Variants in PTPN11 observed in about 807,000 individuals in gnomAD.
PTPN11 encodes tyrosine-protein phosphatase non-receptor type 11.
A neutral mutation model predicts 78.8 loss-of-function variants in PTPN11; 6 were observed. The ratio of observed to expected loss-of-function variants is 0.08; its 90% CI spans 0.04 to 0.15. The LOEUF (loss-of-function observed/expected upper bound fraction) is 0.15. Ranked by LOEUF, PTPN11 falls within the 10% of genes least tolerant of loss-of-function variation. The pLI, the probability that PTPN11 is intolerant of heterozygous loss-of-function variation, is 1.00. For missense variants in PTPN11, 386 were observed against 744.8 expected, an observed-to-expected ratio of 0.52 and a Z score of 5.61; for synonymous variants, 221 against 263.5, an observed-to-expected ratio of 0.84 and a Z score of 1.56.
At chr12:112,446,878 T>G (rs2038001473) in intron 2 of PTPN11, among the ~76,000 whole-genome samples, 1 of 152,020 alleles carries the variant, frequency 6.6e-6, no homozygotes, top group African/African-American at 2.4e-5. Context: ...CTGGCCTTCT[T>G]TTTTTGAGAC....
At chr12:112,420,900 T>C (rs2037514296) in intron 1 of PTPN11, among the ~76,000 whole-genome samples, 1 of 152,238 alleles carries the variant, frequency 6.6e-6, no homozygotes, top group African/African-American at 2.4e-5. Context: ...TTCTTTAATC[T>C]GTCAAATAGT....
chr12:112,435,502 CTG>C (rs1294681843), intron 1 of PTPN11, among the ~76,000 whole-genome samples: 1 of 152,098 alleles, frequency 6.6e-6, no homozygotes, highest in Non-Finnish European at 1.5e-5. Flanking sequence ...GGCTGTCTAA[CTG>C]GTGTTTAAAA....
intron 6 of PTPN11, among the ~76,000 whole-genome samples, chr12:112,460,797 G>A (rs1011037536): frequency 1.3e-5 from 2 of 152,170 alleles, no homozygotes; most frequent in Non-Finnish European, 1.5e-5. Flanking sequence ...AGCCGAGATC[G>A]CGCCACTGCA....
chr12:112,424,405 T>C (rs2037572299), intron 1 of PTPN11, among the ~76,000 whole-genome samples: 2 of 151,050 alleles, frequency 1.3e-5, no homozygotes, highest in Admixed American at 6.6e-5. Flanking sequence ...TGCAAAATCA[T>C]AGAAGGATGT....
chr12:112,446,574 A>C (rs1051301710), intron 2 of PTPN11, among the ~76,000 whole-genome samples, 176 bp downstream of exon 2: 3 of 152,108 alleles, frequency 2.0e-5, no homozygotes, highest in African/African-American at 7.2e-5. Context: ...AGGAGTAAGG[A>C]GGGCCCTTCT....
intron 1 of PTPN11, among the ~76,000 whole-genome samples, chr12:112,436,214 T>G (rs73209628): frequency 0.087 from 13,197 of 152,234 alleles, 794 homozygotes; most frequent in South Asian, 0.32. Context: ...CTAGAGTAAT[T>G]GCATATTAAT....
intron 6 of PTPN11, among the ~76,000 whole-genome samples, chr12:112,462,473 CTCTT>C (rs1403495173): frequency 1.3e-5 from 2 of 152,048 alleles, no homozygotes; most frequent in African/African-American, 4.8e-5. Flanking sequence ...TTTAAAAAAT[CTCTT>C]TCTGTTAAGT....
intron 9 of PTPN11, among the ~76,000 whole-genome samples, chr12:112,481,494 A>G (rs1368614720): frequency 6.7e-6 from 1 of 149,122 alleles, no homozygotes; most frequent in Admixed American, 6.7e-5. Context: ...TCTTGTTTGA[A>G]CTCTTCCTTT....
Position 112,418,983 on chromosome 12 carries a change from G to A in PTPN11, c.-129G>A. 8.3e-7 allele frequency: 1 copy of A among 1,206,610 alleles called. No individual in the cohort carries two copies. The highest frequency in any genetic ancestry group is 1.2e-6 in the Non-Finnish European group (1 of 856,576). 74.7% of individuals were successfully genotyped at this position (1,206,610 alleles called of 1,614,324 possible). A position where few individuals can be genotyped will look rare whatever the true frequency, so the allele number is the denominator to read the frequency against. ...TCCCCAGGCCTGGAGGGGGGTCTGT[G>A]CGCGGCCGGCTGGCTCTGCCCCGCG... On this transcript the variant is annotated 5_prime_UTR_variant, in exon 1 of 16. Coordinates refer to ENST00000351677, the MANE Select transcript of PTPN11 (RefSeq NM_002834.5).
intron 11 of PTPN11, among the ~76,000 whole-genome samples, chr12:112,487,688 A>C (rs551297840): frequency 2.6e-5 from 4 of 152,234 alleles, no homozygotes. Context: ...TTGTTAAAGA[A>C]GCTACCATTT....
chr12:112,480,506 C>T (rs531749138), intron 9 of PTPN11, among the ~76,000 whole-genome samples: 3 of 151,904 alleles, frequency 2.0e-5, no homozygotes, highest in African/African-American at 7.3e-5. Flanking sequence ...GCTGGGATTA[C>T]AGGCGTGTGC....
At chr12:112,455,747 C>T (rs574724947) in intron 5 of PTPN11, among the ~76,000 whole-genome samples, 1 of 152,168 alleles carries the variant, frequency 6.6e-6, no homozygotes, top group South Asian at 2.1e-4. Flanking sequence ...TATGTGAAGA[C>T]TGAAGAAAGA....
intron 1 of PTPN11, among the ~76,000 whole-genome samples, chr12:112,441,622 G>A (rs983854142): frequency 1.6e-4 from 25 of 152,102 alleles, no homozygotes; most frequent in Admixed American, 5.9e-4. Context: ...TCTCTTAAAA[G>A]TTCACTTGAT....
chr12:112,453,115 AC>A lies in PTPN11; in HGVS notation c.333-79del, dbSNP rs377586082. 131 of 1,198,800 alleles carry A rather than the reference AC, an allele frequency of 1.1e-4. No individual in the cohort carries two copies. In the African/African-American group the frequency reaches 1.9e-3, roughly 17 times the overall value. The allele number at this position is 1,198,800 out of a possible 1,614,324, so 74.3% of individuals were successfully genotyped here. A position where few individuals can be genotyped will look rare whatever the true frequency, so the allele number is the denominator to read the frequency against. On this transcript the variant is annotated intron_variant, in intron 3 of 15. Transcript: ENST00000351677. ...TTTTTAATTGTGTTTAGGAGAGCTG[AC>A]TGTATACAGTAGTTTTGTGAAAGAA...
chr12:112,442,368 A>C (rs1250400786), intron 1 of PTPN11, among the ~76,000 whole-genome samples: 6 of 152,096 alleles, frequency 3.9e-5, no homozygotes, highest in African/African-American at 1.4e-4. Context: ...AAGCATCTCT[A>C]ATCCCCAAAT....
rs761994563 is a variant in PTPN11, at chr12:112,450,311, A to G, written c.138-7A>G. ...CCCTTGCCTCCCTTTCCAATGGACTATTTTAGAAGAAATGGAGCTGTCACC... is the reference window on the plus strand; with the variant it reads ...CCCTTGCCTCCCTTTCCAATGGACTGTTTTAGAAGAAATGGAGCTGTCACC... On this transcript the variant is annotated splice_region_variant and splice_polypyrimidine_tract_variant and intron_variant, in intron 2 of 15. Coordinates refer to ENST00000351677, the MANE Select transcript of PTPN11 (RefSeq NM_002834.5). 6.3e-7 allele frequency: 1 copy of G among 1,596,906 alleles called. No homozygotes were observed. The highest frequency in any genetic ancestry group is 1.1e-5 in the South Asian group (1 of 90,712).
intron 5 of PTPN11, 93 bp downstream of exon 5, chr12:112,454,773 G>T: frequency 4.0e-6 from 3 of 753,602 alleles, no homozygotes; most frequent in Non-Finnish European, 4.6e-6. Flanking sequence ...AGACAGAATA[G>T]TATCATCAGC....
chr12:112,441,113 C>T (rs144255079), intron 1 of PTPN11, among the ~76,000 whole-genome samples: 2 of 150,418 alleles, frequency 1.3e-5, no homozygotes, highest in Admixed American at 6.6e-5. Context: ...TACAGGCATG[C>T]GCCACCATGC....
chr12:112,419,237 C>T, intron 1 of PTPN11, 112 bp downstream of exon 1: 2 of 1,189,312 alleles, frequency 1.7e-6, no homozygotes, highest in East Asian at 3.3e-5. Flanking sequence ...CGCCCCGGGT[C>T]GGGGTTGGGG....
Sources: allele counts gnomAD v4.1 joint callset (sites outside exome capture counted in the v4.1 genomes callset), GRCh38; gene constraint gnomAD v4.1.1; transcripts MANE v1.5; gene names NCBI Gene and HGNC (gene_info 2026-07-23, HGNC 2026-07-21).